PIGN: variants seen among roughly 807,000 people sequenced by gnomAD.
The protein encoded by PIGN is GPI ethanolamine phosphate transferase 1.
A neutral mutation model predicts 125.4 loss-of-function variants in PIGN; 117 were observed. The observed-to-expected ratio is 0.93, with a 90% CI of 0.80 to 1.09. The LOEUF is 1.09. Ranked by LOEUF, PIGN falls within the 50% of genes least tolerant of loss-of-function variation. The pLI, the probability that PIGN is intolerant of heterozygous loss-of-function variation, is 0.00. For missense variants in PIGN, 1,075 were observed against 1,094.9 expected, an observed-to-expected ratio of 0.98 and a Z score of 0.26; for synonymous variants, 392 against 377.8, an observed-to-expected ratio of 1.04 and a Z score of -0.44.
chr18:62,071,786 G>A (rs897432955), intron 30 of PIGN, among the ~76,000 whole-genome samples: 4 of 147,430 alleles, frequency 2.7e-5, no homozygotes, highest in Admixed American at 1.4e-4. Context: ...ATCTGATAAT[G>A]ACAATAAACA....
At chr18:62,149,862 T>G (rs367658259) in intron 7 of PIGN, among the ~76,000 whole-genome samples, 1 of 152,338 alleles carries the variant, frequency 6.6e-6, no homozygotes, top group East Asian at 1.9e-4. Flanking sequence ...AGCTGCCTAC[T>G]GCCAGCATTA....
intron 30 of PIGN, chr18:62,051,832 G>A (rs1482698104): frequency 1.3e-5 from 2 of 151,958 alleles, no homozygotes; most frequent in African/African-American, 2.4e-5. Flanking sequence ...TTCTCTTGTG[G>A]GCATTTAGTG....
chr18:62,037,244 GC>G (rs1451331880), downstream of PIGN, among the ~76,000 whole-genome samples: 1 of 152,162 alleles, frequency 6.6e-6, no homozygotes, highest in African/African-American at 2.4e-5. Context: ...AAAAGTTTTC[GC>G]TTTAGACTTA....
chr18:62,117,619 T>C (rs1168353903), intron 14 of PIGN, among the ~76,000 whole-genome samples: 2 of 152,060 alleles, frequency 1.3e-5, no homozygotes, highest in Non-Finnish European at 2.9e-5. Context: ...GGTACAACAA[T>C]TTTTATTATA....
chr18:62,028,834 G>T (rs1421985235), intron 23 of PIGN, among the ~76,000 whole-genome samples: 1 of 152,196 alleles, frequency 6.6e-6, no homozygotes, highest in Non-Finnish European at 1.5e-5. Context: ...GGAAGAAAGG[G>T]CAACAGTTTT....
At chr18:62,051,616 T>C (rs1419658917) in intron 30 of PIGN, among the ~76,000 whole-genome samples, 1 of 152,124 alleles carries the variant, frequency 6.6e-6, no homozygotes. Context: ...GTCTTGCTAG[T>C]GGTCTATCAA....
At chr18:62,100,441 G>A (rs2146306800) in intron 22 of PIGN, among the ~76,000 whole-genome samples, 1 of 152,284 alleles carries the variant, frequency 6.6e-6, no homozygotes, top group African/African-American at 2.4e-5. Flanking sequence ...ATCAAAAGAT[G>A]TAAAAGTTAA....
At chr18:62,154,801 T>TA in intron 6 of PIGN, 150 bp from the exon 7 acceptor site, 1 of 608,244 alleles carries the variant, frequency 1.6e-6, no homozygotes, top group Non-Finnish European at 2.9e-6. Flanking sequence ...ATGGGAGGAA[T>TA]AATTAACATT....
intron 23 of PIGN, among the ~76,000 whole-genome samples, chr18:62,033,704 A>G (rs1260709500): frequency 6.6e-6 from 1 of 152,136 alleles, no homozygotes; most frequent in Non-Finnish European, 1.5e-5. Flanking sequence ...GGAGTCTCTG[A>G]GTACTTGTTG....
At chr18:62,033,660 C>A (rs2030222407) in intron 23 of PIGN, among the ~76,000 whole-genome samples, 1 of 152,138 alleles carries the variant, frequency 6.6e-6, no homozygotes, top group Non-Finnish European at 1.5e-5. Context: ...TGCTGGCCTT[C>A]TTGGCACATC....
downstream of PIGN, among the ~76,000 whole-genome samples, chr18:62,039,360 A>T (rs75851708): frequency 2.5e-3 from 374 of 152,216 alleles, 2 homozygotes; most frequent in Non-Finnish European, 3.4e-3. Flanking sequence ...TTCACATTTA[A>T]TGAACAAATA....
chr18:62,032,360 G>A (rs183595450), intron 23 of PIGN, among the ~76,000 whole-genome samples: 39 of 152,230 alleles, frequency 2.6e-4, no homozygotes, highest in Admixed American at 7.2e-4. Flanking sequence ...GAAAACTGAG[G>A]AAAGCTCTTC....
At chr18:62,116,128 T>C (rs1815259513) in intron 14 of PIGN, among the ~76,000 whole-genome samples, 1 of 152,160 alleles carries the variant, frequency 6.6e-6, no homozygotes, top group Non-Finnish European at 1.5e-5. Flanking sequence ...GAAAAACAAG[T>C]TACTTTAAAA....
intron 14 of PIGN, among the ~76,000 whole-genome samples, chr18:62,134,652 A>T (rs556412137): frequency 6.6e-6 from 1 of 152,318 alleles, no homozygotes; most frequent in East Asian, 1.9e-4. Context: ...ACCAATACTT[A>T]TATCACATGA....
At chr18:62,160,100 G>A (rs746049984) in intron 4 of PIGN, among the ~76,000 whole-genome samples, 3 of 152,140 alleles carry the variant, frequency 2.0e-5, no homozygotes, top group Non-Finnish European at 4.4e-5. Context: ...GTGACAGAGC[G>A]AGACTCCGTC....
intron 23 of PIGN, among the ~76,000 whole-genome samples, chr18:62,035,277 G>A (rs945437906): frequency 1.3e-5 from 2 of 152,112 alleles, no homozygotes; most frequent in South Asian, 4.1e-4. Flanking sequence ...GAATGAGAAC[G>A]AACTGATACA....
downstream of PIGN, among the ~76,000 whole-genome samples, chr18:62,036,451 G>C (rs1169884691): frequency 1.3e-5 from 2 of 152,124 alleles, no homozygotes; most frequent in Non-Finnish European, 2.9e-5. Context: ...TGGTAAAAAA[G>C]GAGAGTGGAT....
chr18:62,102,461 A>G (rs898401580), intron 21 of PIGN, among the ~76,000 whole-genome samples: 4 of 149,734 alleles, frequency 2.7e-5, no homozygotes, highest in Non-Finnish European at 4.4e-5. Flanking sequence ...GGCTGCTTTC[A>G]CTTCAAGGAA....
At chr18:62,110,430 C>T (rs555806487) in intron 16 of PIGN, among the ~76,000 whole-genome samples, 9 of 152,262 alleles carry the variant, frequency 5.9e-5, no homozygotes, top group African/African-American at 2.2e-4. Context: ...CTCTCTATTG[C>T]CCACCCAATA....
Sources: allele counts gnomAD v4.1 joint callset (sites outside exome capture counted in the v4.1 genomes callset), GRCh38; gene constraint gnomAD v4.1.1; transcripts MANE v1.5; gene names NCBI Gene and HGNC (gene_info 2026-07-23, HGNC 2026-07-21).